MMP20: variants seen among roughly 807,000 people sequenced by gnomAD.
MMP20 encodes matrix metallopeptidase 20.
MMP20 carries 50 observed loss-of-function variants against 51.8 expected under a neutral mutation model. The ratio of observed to expected loss-of-function variants is 0.97; its 90% confidence interval spans 0.77 to 1.22. The LOEUF (loss-of-function observed/expected upper bound fraction) is 1.22, where lower values mean the gene tolerates loss of function less well. MMP20 is among the 50% of genes most tolerant of loss of function. MMP20 has a pLI of 0.00. For synonymous variants in MMP20, 244 were observed against 216.2 expected (o/e 1.13, Z -1.13); for missense variants, 663 against 601.4 (o/e 1.10, Z -1.07).
chr11:102,584,313 A>T (rs1041513852), intron 8 of MMP20, among the ~76,000 whole-genome samples: 13 of 152,128 alleles, frequency 8.5e-5, no homozygotes, highest in African/African-American at 3.1e-4. Flanking sequence ...CTTTTTGATT[A>T]TGGCATTCTA....
intron 6 of MMP20, among the ~76,000 whole-genome samples, chr11:102,600,433 C>T (rs1394422386): frequency 2.6e-5 from 4 of 152,194 alleles, no homozygotes; most frequent in Non-Finnish European, 4.4e-5. Context: ...ACAAGCTTCT[C>T]AAATGAATGA....
At chr11:102,600,866 C>T (rs1859437298) in intron 6 of MMP20, among the ~76,000 whole-genome samples, 1 of 152,116 alleles carries the variant, frequency 6.6e-6, no homozygotes, top group African/African-American at 2.4e-5. Context: ...ACTATCCTGG[C>T]CACTCAGTCC....
chr11:102,598,218 C>A (rs1210074649), intron 6 of MMP20, among the ~76,000 whole-genome samples: 1 of 152,040 alleles, frequency 6.6e-6, no homozygotes, highest in African/African-American at 2.4e-5. Flanking sequence ...AAGTAAAACT[C>A]ACAAAAACAA....
chr11:102,590,397 C>A (rs570216469), intron 8 of MMP20, among the ~76,000 whole-genome samples: 1 of 152,270 alleles, frequency 6.6e-6, no homozygotes, highest in South Asian at 2.1e-4. Context: ...CATTGTGGTC[C>A]TCTGTGCGCT....
chr11:102,605,099 G>A (rs542441295), intron 6 of MMP20: 1 of 152,240 alleles, frequency 6.6e-6, no homozygotes, highest in Non-Finnish European at 1.5e-5. Context: ...ATGAGGGTGG[G>A]GGCCCCATGA....
At chr11:102,622,916 AT>A (rs1411521338) in intron 1 of MMP20, among the ~76,000 whole-genome samples, 1 of 152,166 alleles carries the variant, frequency 6.6e-6, no homozygotes, top group Admixed American at 6.5e-5. Context: ...TTATTAAATA[AT>A]TGTTTCCTGT....
intron 8 of MMP20, among the ~76,000 whole-genome samples, chr11:102,582,499 C>G (rs1224594089): frequency 6.6e-6 from 1 of 152,088 alleles, no homozygotes; most frequent in Admixed American, 6.5e-5. Context: ...TGATTTCAGC[C>G]AGAAATCACA....
chr11:102,586,448 T>A (rs1859255143), intron 8 of MMP20, among the ~76,000 whole-genome samples: 1 of 152,216 alleles, frequency 6.6e-6, no homozygotes, highest in Non-Finnish European at 1.5e-5. Context: ...ATAGTATTCC[T>A]TTATGACCTT....
At position 102,587,554 on chromosome 11, in the gene MMP20, TTAAC is replaced by T. The variant is rs529891446; in HGVS notation, c.1247+5881_1247+5884del. 1.1e-3 allele frequency among the ~76,000 whole-genome samples: 161 copies of T among 152,348 alleles called. 2 individuals carry two copies. In the South Asian group the frequency reaches 0.013, roughly 12 times the overall value. On this transcript the variant is annotated intron_variant, in intron 8 of 9. Coordinates refer to ENST00000260228, the MANE Select transcript of MMP20 (RefSeq NM_004771.4). ...TACTGAAAGTGGGGTATTGAAATCT[TTAAC>T]TATTATTGTTTCATTATTGACTTAT...
At position 102,618,697 on chromosome 11, in the gene MMP20, C is replaced by T. The variant is rs140413538; in HGVS notation, c.127-1638G>A. On this transcript the variant is annotated intron_variant, in intron 1 of 9. Coordinates refer to ENST00000260228, the MANE Select transcript of MMP20 (RefSeq NM_004771.4). ...ACACGCATATACACACACGCACACA[C>T]ATACAATAATAAAAGGAAGTCTGCC... Among the ~76,000 whole-genome samples the T allele has an allele frequency of 2.5e-4, 38 of 152,262 alleles. 2 individuals carry two copies. In the East Asian group the frequency reaches 5.8e-3, roughly 23 times the overall value.
intron 8 of MMP20, among the ~76,000 whole-genome samples, chr11:102,582,522 A>G (rs1476100046): frequency 6.6e-6 from 1 of 152,172 alleles, no homozygotes; most frequent in Non-Finnish European, 1.5e-5. Context: ...ACTTTCATGA[A>G]TGAAGTGGGC....
At chr11:102,606,502 C>A in intron 6 of MMP20, 33 bp downstream of exon 6, 1 of 1,613,228 alleles carries the variant, frequency 6.2e-7, no homozygotes, top group Non-Finnish European at 8.5e-7. Context: ...GAGATGAGGC[C>A]CAATGAGAGT....
At chr11:102,598,553 A>G (rs1156975427) in intron 6 of MMP20, among the ~76,000 whole-genome samples, 1 of 152,188 alleles carries the variant, frequency 6.6e-6, no homozygotes, top group Non-Finnish European at 1.5e-5. Context: ...AACTTACCTG[A>G]TCAACAAGTT....
At chr11:102,613,730 C>T (rs1478073719) in intron 2 of MMP20, among the ~76,000 whole-genome samples, 1 of 152,120 alleles carries the variant, frequency 6.6e-6, no homozygotes, top group African/African-American at 2.4e-5. Context: ...GCTCTTTAAC[C>T]CCAGGTTTGG....
chr11:102,594,617 G>C lies in MMP20; in HGVS notation c.1090+4C>G. On this transcript the variant is annotated splice_donor_region_variant and intron_variant, in intron 7 of 9. Transcript: ENST00000260228. Reference sequence around the variant, plus strand: ...TTTCTTTCTTTGAGGGATCTGTAGGGTACCTTTGAAGAAGTAAGCAGTGCC... The same window carrying C: ...TTTCTTTCTTTGAGGGATCTGTAGGCTACCTTTGAAGAAGTAAGCAGTGCC... 1.2e-6 allele frequency: 2 copies of C among 1,613,598 alleles called. No homozygotes were observed. The highest frequency in any genetic ancestry group is 1.7e-6 in the Non-Finnish European group (2 of 1,179,942).
intron 2 of MMP20, among the ~76,000 whole-genome samples, chr11:102,615,898 C>T (rs1565399810): frequency 6.6e-6 from 1 of 152,126 alleles, no homozygotes; most frequent in Non-Finnish European, 1.5e-5. Context: ...CGCAGGCAGG[C>T]ACCATCCACC....
chr11:102,623,900 T>C (rs777131968), intron 1 of MMP20, among the ~76,000 whole-genome samples: 1 of 152,142 alleles, frequency 6.6e-6, no homozygotes, highest in Non-Finnish European at 1.5e-5. Flanking sequence ...CACCTAAAGC[T>C]AGGTGGCATG....
rs1336296249 is a variant in MMP20, at chr11:102,611,820, A to G, written c.458T>C (p.Val153Ala). The change falls in exon 3 of 10, where the codon GTC (valine) becomes GCC (alanine). Residue 153 changes from valine (V) to alanine (A), a missense_variant. Coordinates refer to ENST00000260228, the MANE Select transcript of MMP20 (RefSeq NM_004771.4). The stretch of plus-strand genomic sequence containing the variant: ...GTTTATTCTGACAAAGCTCAGAGGG[A>G]CGGCGCTACTCCAGGCCTGCAAGGC... ...EMALQAWSSAVPLSFVRINSG... is the reference protein window; with the variant it reads ...EMALQAWSSAAPLSFVRINSG... 1 of 1,614,202 alleles carries G rather than the reference A, an allele frequency of 6.2e-7. No homozygotes were observed. The highest frequency in any genetic ancestry group is 1.1e-5 in the South Asian group (1 of 91,086).
At chr11:102,579,850 G>T (rs1243848167) in intron 8 of MMP20, among the ~76,000 whole-genome samples, 4 of 151,634 alleles carry the variant, frequency 2.6e-5, no homozygotes, top group Admixed American at 1.3e-4. Flanking sequence ...ATTTTTTATT[G>T]CCTTATTTAT....
Sources: allele counts gnomAD v4.1 joint callset (sites outside exome capture counted in the v4.1 genomes callset), GRCh38; gene constraint gnomAD v4.1.1; transcripts MANE v1.5; gene names NCBI Gene and HGNC (gene_info 2026-07-23, HGNC 2026-07-21).